Variants in ZDHHC11B observed in about 807,000 individuals in gnomAD.
The protein encoded by ZDHHC11B is probable palmitoyltransferase ZDHHC11B.
Under a neutral mutation model 42.3 loss-of-function variants are expected in ZDHHC11B, and 17 were observed. The ratio of observed to expected loss-of-function variants is 0.40; its 90% confidence interval spans 0.27 to 0.60. The LOEUF (loss-of-function observed/expected upper bound fraction) is 0.60, where lower values mean the gene tolerates loss of function less well. ZDHHC11B is among the 20% of genes least tolerant of loss of function. The pLI, the probability that ZDHHC11B is intolerant of heterozygous loss-of-function variation, is 0.41. For synonymous variants in ZDHHC11B, 123 were observed against 193.5 expected (o/e 0.64, Z 3.02); for missense variants, 262 against 463.2 (o/e 0.57, Z 3.99).
At chr5:750,744 C>CCCT in intron 7 of ZDHHC11B, among the ~76,000 whole-genome samples, 1 of 128,382 alleles carries the variant, frequency 7.8e-6, no homozygotes, top group Non-Finnish European at 1.7e-5. Flanking sequence ...CCTCCACTCT[C>CCCT]CCTCCCCATG....
At chr5:751,968 T>A (rs1745833870) in intron 6 of ZDHHC11B, among the ~76,000 whole-genome samples, 1 of 120,580 alleles carries the variant, frequency 8.3e-6, no homozygotes, top group African/African-American at 2.6e-5. Context: ...CAGCGGAGCA[T>A]GAGGGTCACA....
At chr5:718,747 T>G (rs1368010057) in intron 12 of ZDHHC11B, among the ~76,000 whole-genome samples, 2 of 151,424 alleles carry the variant, frequency 1.3e-5, no homozygotes, top group Non-Finnish European at 2.9e-5. Context: ...CTGCTGGTCT[T>G]TCGTGAATGG....
At chr5:715,708 T>C (rs1354052650) in intron 13 of ZDHHC11B, among the ~76,000 whole-genome samples, 4 of 151,498 alleles carry the variant, frequency 2.6e-5, no homozygotes, top group Non-Finnish European at 5.9e-5. Flanking sequence ...AGGTTTGCTG[T>C]CTCTCTGGGC....
rs1254180000 is a variant in ZDHHC11B, at chr5:759,988, C to T, written c.223-3844G>A. ...GGGGATGCCGTCCTGAGCCCAGCGC[C>T]GGCCAGCGGGAGGGGCAGCATGGAC... On this transcript the variant is annotated intron_variant, in intron 4 of 13. Transcript: ENST00000508859. Among the ~76,000 whole-genome samples, 10 of 151,900 alleles carry T rather than the reference C, an allele frequency of 6.6e-5. 1 individual carries two copies. The highest frequency in any genetic ancestry group is 1.0e-4 in the Non-Finnish European group (7 of 67,924).
At chr5:752,588 C>A (rs28479692) in intron 6 of ZDHHC11B, among the ~76,000 whole-genome samples, 22,081 of 72,824 alleles carry the variant, frequency 0.3, 3,402 homozygotes, top group Middle Eastern at 0.44. Context: ...CAACTGGAGG[C>A]CAGAGCATGA....
At chr5:784,083 G>T (rs1166968828) in intron 1 of ZDHHC11B, among the ~76,000 whole-genome samples, 1 of 151,446 alleles carries the variant, frequency 6.6e-6, no homozygotes, top group Non-Finnish European at 1.5e-5. Context: ...CCAAGGCCCG[G>T]GGCAGCTGGA....
chr5:760,513 T>A (rs545288588), intron 4 of ZDHHC11B, among the ~76,000 whole-genome samples: 25 of 151,696 alleles, frequency 1.6e-4, no homozygotes, highest in African/African-American at 5.8e-4. Context: ...CCCAGAACTG[T>A]GAGACCAGAT....
chr5:777,947 CG>C (rs1229352101), intron 1 of ZDHHC11B, among the ~76,000 whole-genome samples: 4 of 151,918 alleles, frequency 2.6e-5, no homozygotes, highest in South Asian at 4.2e-4. Flanking sequence ...TGGCGGTCGG[CG>C]GGTCCCGAGC....
chr5:739,099 A>C (rs1435524391), intron 10 of ZDHHC11B, among the ~76,000 whole-genome samples: 1 of 150,438 alleles, frequency 6.6e-6, no homozygotes, highest in Non-Finnish European at 1.5e-5. Context: ...AAATCCGCAA[A>C]AAAAAAACAA....
At chr5:727,297 A>C (rs1742666859) in intron 12 of ZDHHC11B, among the ~76,000 whole-genome samples, 1 of 135,394 alleles carries the variant, frequency 7.4e-6, no homozygotes, top group East Asian at 2.1e-4. Flanking sequence ...TCCTCTGCCC[A>C]CCTGGGGGAG....
rs1742927123 is a variant in ZDHHC11B at position 730,360 on chromosome 5, T to G, written c.1058+74A>C. On this transcript the variant is annotated intron_variant, in intron 12 of 13. Coordinates refer to ENST00000508859, the MANE Select transcript of ZDHHC11B (RefSeq NM_001351303.2). The stretch of plus-strand genomic sequence containing the variant: ...ATTTGAACATGTTAAATAGAGAACA[T>G]ATTTTCCTAGGTAATTTGAGTTCAG... 120 of 1,480,934 alleles carry G rather than the reference T, an allele frequency of 8.1e-5. No individual in the cohort carries two copies. In the South Asian group the frequency reaches 1.5e-3, roughly 19 times the overall value. The allele number at this position is 1,480,934 out of a possible 1,614,324, so 91.7% of individuals were successfully genotyped here. A position where few individuals can be genotyped will look rare whatever the true frequency, so the allele number is the denominator to read the frequency against.
chr5:775,952 G>T (rs1384552505), intron 1 of ZDHHC11B, among the ~76,000 whole-genome samples: 8 of 142,736 alleles, frequency 5.6e-5, no homozygotes, highest in African/African-American at 2.1e-4. Context: ...AGGTGGGAGT[G>T]CATGCCAGGA....
At chr5:745,722 C>T (rs1744725159) in intron 8 of ZDHHC11B, among the ~76,000 whole-genome samples, 1 of 150,056 alleles carries the variant, frequency 6.7e-6, no homozygotes, top group Non-Finnish European at 1.5e-5. Context: ...GTCTGAGGGT[C>T]CAGGTGGCCT....
Position 726,086 on chromosome 5 carries a change from G to A in ZDHHC11B, c.1058+4348C>T, listed in dbSNP as rs114081159. ...TCCCTTCGACATCCCACAGCAAAAC[G>A]CAGACCAGAATATCCCCCATCGGTT... is the stretch of plus-strand genomic sequence containing the variant. On this transcript the variant is annotated intron_variant, in intron 12 of 13. Transcript: ENST00000508859. Among the ~76,000 whole-genome samples, 385 of 144,230 alleles carry A rather than the reference G, an allele frequency of 2.7e-3. 14 individuals carry two copies. The highest frequency in any genetic ancestry group is 7.4e-3 in the African/African-American group (282 of 38,146). 94.6% of individuals were successfully genotyped at this position (144,230 alleles called of 152,430 possible).
chr5:753,851 T>C (rs1746126441), intron 6 of ZDHHC11B, among the ~76,000 whole-genome samples: 1 of 147,010 alleles, frequency 6.8e-6, no homozygotes, highest in African/African-American at 2.5e-5. Context: ...CAGGCAACGT[T>C]GGTCCCCACT....
intron 13 of ZDHHC11B, among the ~76,000 whole-genome samples, chr5:714,212 A>C (rs1205599369): frequency 7.6e-6 from 1 of 131,318 alleles, no homozygotes; most frequent in Non-Finnish European, 1.6e-5. Context: ...GCTTCATTTC[A>C]TTCCTTCTTT....
chr5:743,736 T>C (rs1358614328), intron 9 of ZDHHC11B, among the ~76,000 whole-genome samples: 2 of 150,028 alleles, frequency 1.3e-5, no homozygotes, highest in Non-Finnish European at 3.0e-5. Context: ...TATTTTAATA[T>C]GTGCCCCACA....
At chr5:778,254 T>C (rs559831209) in intron 1 of ZDHHC11B, among the ~76,000 whole-genome samples, 48 of 151,846 alleles carry the variant, frequency 3.2e-4, no homozygotes, top group African/African-American at 8.7e-4. Context: ...CAAAAGGGAA[T>C]AGAGATCCCG....
chr5:725,087 G>T (rs1404900717), intron 12 of ZDHHC11B, among the ~76,000 whole-genome samples: 1 of 151,330 alleles, frequency 6.6e-6, no homozygotes, highest in Non-Finnish European at 1.5e-5. Context: ...GGAGCCTTTG[G>T]TGTCAGCTCC....
Sources: allele counts gnomAD v4.1 joint callset (sites outside exome capture counted in the v4.1 genomes callset), GRCh38; gene constraint gnomAD v4.1.1; transcripts MANE v1.5; gene names NCBI Gene and HGNC (gene_info 2026-07-23, HGNC 2026-07-21).